Variants in KCNQ5 observed in about 807,000 individuals in gnomAD.
KCNQ5 encodes potassium voltage-gated channel subfamily Q member 5.
Under a neutral mutation model 98.2 loss-of-function variants are expected in KCNQ5, and 30 were observed. The observed-to-expected ratio is 0.31, with a 90% CI of 0.23 to 0.41. KCNQ5 has a LOEUF of 0.41. Among genes scored for constraint, KCNQ5 ranks in the 10% least tolerant of loss-of-function variants. KCNQ5 has a pLI of 1.00. For missense variants in KCNQ5, 835 were observed against 1,182.5 expected (o/e 0.71, Z 4.31); for synonymous variants, 458 against 449.4 (o/e 1.02, Z -0.24).
chr6:72,623,217 G>A (rs1036495708), intron 1 of KCNQ5, among the ~76,000 whole-genome samples: 7 of 152,190 alleles, frequency 4.6e-5, no homozygotes, highest in Non-Finnish European at 8.8e-5. Context: ...AAGGTCTAGA[G>A]GAGGCCAGCA....
chr6:72,914,338 A>G (rs977847237), intron 1 of KCNQ5, among the ~76,000 whole-genome samples: 12 of 152,024 alleles, frequency 7.9e-5, no homozygotes, highest in Non-Finnish European at 1.5e-4. Context: ...AAAAGCTATG[A>G]AGGATACATG....
At chr6:72,989,645 A>G (rs1470331973) in intron 1 of KCNQ5, among the ~76,000 whole-genome samples, 1 of 220 alleles carries the variant, frequency 4.5e-3, no homozygotes, top group Non-Finnish European at 7.5e-3. Flanking sequence ...TGCTGTGCAG[A>G]AGCTCTTTAG....
At chr6:73,033,646 C>G (rs1040213269) in intron 2 of KCNQ5, among the ~76,000 whole-genome samples, 2 of 152,040 alleles carry the variant, frequency 1.3e-5, no homozygotes, top group Non-Finnish European at 2.9e-5. Flanking sequence ...TTTTCCAAGG[C>G]AGGAAGCATC....
intron 11 of KCNQ5, among the ~76,000 whole-genome samples, chr6:73,183,754 G>A (rs1778479753): frequency 6.6e-6 from 1 of 152,218 alleles, no homozygotes; most frequent in South Asian, 2.1e-4. Flanking sequence ...TGGGTGGAAA[G>A]AGGGAGGCTG....
intron 1 of KCNQ5, among the ~76,000 whole-genome samples, chr6:72,755,031 A>C (rs1435732293): frequency 1.3e-5 from 2 of 151,784 alleles, no homozygotes; most frequent in African/African-American, 4.8e-5. Flanking sequence ...TCTGTTGTTA[A>C]ATATATTCAG....
At chr6:72,767,878 C>T (rs1359764205) in intron 1 of KCNQ5, among the ~76,000 whole-genome samples, 3 of 151,926 alleles carry the variant, frequency 2.0e-5, no homozygotes, top group African/African-American at 7.3e-5. Context: ...CTCATACATG[C>T]TGGTAGGAAT....
rs535262731 is a variant in KCNQ5, at chr6:73,172,193, G to A, written c.1577+2339G>A. ...GCTTGCTGCATTGTGGTACCTGAGGGGGATGTTTTTCTCCTCCATATCCTG... is the reference window on the plus strand; with the variant it reads ...GCTTGCTGCATTGTGGTACCTGAGGAGGATGTTTTTCTCCTCCATATCCTG... On this transcript the variant is annotated intron_variant, in intron 11 of 13. Transcript: ENST00000370398. 5.2e-4 allele frequency among the ~76,000 whole-genome samples: 79 copies of A among 152,026 alleles called. 1 individual carries two copies. The highest frequency in any genetic ancestry group is 1.7e-3 in the African/African-American group (70 of 41,458).
At chr6:72,831,242 G>A (rs569640899) in intron 1 of KCNQ5, among the ~76,000 whole-genome samples, 3 of 152,234 alleles carry the variant, frequency 2.0e-5, no homozygotes, top group Admixed American at 2.0e-4. Context: ...TATACCCAAA[G>A]GATTATAAAT....
At chr6:73,067,500 A>T (rs774714695) in intron 3 of KCNQ5, among the ~76,000 whole-genome samples, 4 of 152,080 alleles carry the variant, frequency 2.6e-5, no homozygotes, top group Non-Finnish European at 5.9e-5. Context: ...GCAGGTGAGG[A>T]CTCCAAGACT....
chr6:72,912,897 C>A (rs1400442181), intron 1 of KCNQ5, among the ~76,000 whole-genome samples: 1 of 151,990 alleles, frequency 6.6e-6, no homozygotes, highest in Non-Finnish European at 1.5e-5. Flanking sequence ...GACATGGGGA[C>A]CTTTCAGAGA....
intron 1 of KCNQ5, among the ~76,000 whole-genome samples, chr6:72,662,022 C>G (rs1582070399): frequency 6.6e-6 from 1 of 152,078 alleles, no homozygotes; most frequent in East Asian, 1.9e-4. Context: ...TTTTTTCATG[C>G]AGTGCTTGGT....
chr6:72,982,287 C>G (rs1420094288), intron 1 of KCNQ5, among the ~76,000 whole-genome samples: 2 of 152,128 alleles, frequency 1.3e-5, no homozygotes, highest in Non-Finnish European at 2.9e-5. Context: ...GTGTGGGAGT[C>G]TAAGTCTCTT....
rs779577842 is a variant in KCNQ5 at position 72,648,774 on chromosome 6, A to AT, written c.398+26203dup. On this transcript the variant is annotated intron_variant, in intron 1 of 13. Coordinates refer to ENST00000370398, the MANE Select transcript of KCNQ5 (RefSeq NM_019842.4). ...ATGGGAGATGAATACATGGGCCTTC[A>AT]TTTTTTTTTTTTTTTTAATTCTCAG... 4.1e-3 allele frequency among the ~76,000 whole-genome samples: 530 copies of AT among 129,934 alleles called. 3 individuals are homozygous for AT. Among genetic ancestry groups the AT allele is most frequent in the Middle Eastern group, 0.015 (4 of 260 alleles). The allele number at this position is 129,934 out of a possible 152,430, so 85.2% of individuals were successfully genotyped here.
chr6:72,786,558 T>G (rs909892427), intron 1 of KCNQ5, among the ~76,000 whole-genome samples: 2 of 152,176 alleles, frequency 1.3e-5, no homozygotes, highest in Non-Finnish European at 2.9e-5. Context: ...GTTCTCCATA[T>G]GAAGTCATTT....
intron 1 of KCNQ5, among the ~76,000 whole-genome samples, chr6:72,801,045 A>G (rs1370564670): frequency 4.0e-5 from 6 of 149,026 alleles, no homozygotes; most frequent in African/African-American, 1.3e-4. Context: ...TTTACTTCCA[A>G]CTATGTGGTC....
At chr6:72,718,491 G>A (rs1171795015) in intron 1 of KCNQ5, among the ~76,000 whole-genome samples, 13 of 119,268 alleles carry the variant, frequency 1.1e-4, no homozygotes, top group Admixed American at 2.4e-4. Context: ...TCGCTCTGTC[G>A]CCAGACTGGA....
intron 1 of KCNQ5, among the ~76,000 whole-genome samples, chr6:72,758,132 G>A (rs986755541): frequency 2.0e-5 from 3 of 151,922 alleles, no homozygotes; most frequent in African/African-American, 7.3e-5. Flanking sequence ...ATCATTGGAG[G>A]AGGACGGCAT....
chr6:72,897,970 C>A (rs1325768739), intron 1 of KCNQ5, among the ~76,000 whole-genome samples: 1 of 152,190 alleles, frequency 6.6e-6, no homozygotes, highest in Non-Finnish European at 1.5e-5. Context: ...CCAAAACAGA[C>A]CAAGGCAGGA....
chr6:72,877,589 G>T (rs1275755152), intron 1 of KCNQ5, among the ~76,000 whole-genome samples: 1 of 152,182 alleles, frequency 6.6e-6, no homozygotes, highest in Admixed American at 6.5e-5. Context: ...CCAGTAATGG[G>T]ATTGCTGGGT....
Sources: gnomAD v4.1 joint callset for allele counts (sites outside exome capture counted in the v4.1 genomes callset) on GRCh38, gnomAD v4.1.1 for gene constraint, MANE v1.5 for transcripts, NCBI Gene and HGNC (gene_info 2026-07-23, HGNC 2026-07-21) for gene names.